PHACTR4: variants seen among roughly 807,000 people sequenced by gnomAD.
PHACTR4 encodes phosphatase and actin regulator 4.
PHACTR4 carries 51 observed loss-of-function variants against 72.7 expected under a neutral mutation model. The observed-to-expected ratio is 0.70, with a 90% confidence interval of 0.56 to 0.89. PHACTR4 has a LOEUF of 0.89. Ranked by LOEUF, PHACTR4 falls within the 40% of genes least tolerant of loss-of-function variation. The pLI, the probability that PHACTR4 is intolerant of heterozygous loss-of-function variation, is 0.00. For synonymous variants in PHACTR4, 255 were observed against 302.5 expected, an observed-to-expected ratio of 0.84 and a Z score of 1.63; for missense variants, 731 against 861.8, an observed-to-expected ratio of 0.85 and a Z score of 1.90.
intron 2 of PHACTR4, among the ~76,000 whole-genome samples, chr1:28,444,102 T>G (rs1347612107): frequency 6.6e-6 from 1 of 152,132 alleles, no homozygotes; most frequent in Admixed American, 6.6e-5. Context: ...TGGCTACTTT[T>G]TGTCTTTTTG....
chr1:28,427,941 T>G (rs61783834), intron 2 of PHACTR4, among the ~76,000 whole-genome samples: 3 of 152,346 alleles, frequency 2.0e-5, no homozygotes, highest in Admixed American at 2.0e-4. Flanking sequence ...GTTAGATTAG[T>G]TATATAGAGT....
intron 13 of PHACTR4, among the ~76,000 whole-genome samples, chr1:28,496,163 TCTC>T (rs1661343993): frequency 6.6e-6 from 1 of 150,470 alleles, no homozygotes; most frequent in East Asian, 2.0e-4. Context: ...TTCACGCCAT[TCTC>T]CTGCCTCAGC....
intron 2 of PHACTR4, among the ~76,000 whole-genome samples, chr1:28,439,505 TCAG>T (rs1656849927): frequency 6.6e-6 from 1 of 152,186 alleles, no homozygotes; most frequent in African/African-American, 2.4e-5. Context: ...AGTGAGTCAT[TCAG>T]CAACAGATTT....
chr1:28,453,480 G>A, intron 2 of PHACTR4: 1 of 381,516 alleles, frequency 2.6e-6, no homozygotes, highest in Non-Finnish European at 4.8e-6. Context: ...GAGGTCTGTA[G>A]CTGCAGTTGC....
chr1:28,483,629 G>A (rs748605422), intron 9 of PHACTR4, among the ~76,000 whole-genome samples: 6 of 151,004 alleles, frequency 4.0e-5, no homozygotes, highest in African/African-American at 7.3e-5. Flanking sequence ...ATGAAACCCC[G>A]TCTCTACTAA....
At chr1:28,466,274 C>A in intron 5 of PHACTR4, 108 bp from the exon 6 acceptor site, 2 of 1,258,814 alleles carry the variant, frequency 1.6e-6, no homozygotes, top group Non-Finnish European at 1.1e-6. Flanking sequence ...ATAAGCTAAT[C>A]TATAAATTAA....
chr1:28,406,765 G>A (rs183583508), intron 1 of PHACTR4, among the ~76,000 whole-genome samples: 2 of 152,234 alleles, frequency 1.3e-5, no homozygotes, highest in Non-Finnish European at 2.9e-5. Context: ...GCCTTGATTG[G>A]GGGTGCAGGA....
At chr1:28,388,586 T>C (rs759795516) in intron 1 of PHACTR4, among the ~76,000 whole-genome samples, 1 of 152,192 alleles carries the variant, frequency 6.6e-6, no homozygotes, top group Non-Finnish European at 1.5e-5. Context: ...GCACGGTGGC[T>C]CACGCCTGTA....
chr1:28,465,738 A>AC lies in PHACTR4; in HGVS notation c.330dup (p.Ile111HisfsTer8). On this transcript the variant is annotated frameshift_variant, in exon 5 of 14. Transcript: ENST00000373839. LOFTEE classifies it high-confidence loss of function. ...TGCCATGTTAAAGAATGGCCATACC[A>AC]CCCCCATAGGGAATGCCAGATCATC... The AC allele has an allele frequency of 6.2e-7, 1 of 1,613,948 alleles. No individual in the cohort carries two copies. Among genetic ancestry groups the AC allele is most frequent in the South Asian group, 1.1e-5 (1 of 91,060 alleles).
intron 2 of PHACTR4, among the ~76,000 whole-genome samples, chr1:28,435,741 A>T (rs562751224): frequency 3.3e-5 from 5 of 152,340 alleles, no homozygotes; most frequent in East Asian, 1.9e-4. Flanking sequence ...GATGATGATG[A>T]TGGTGATAAC....
At chr1:28,479,865 C>A (rs908270135) in intron 8 of PHACTR4, among the ~76,000 whole-genome samples, 5 of 152,170 alleles carry the variant, frequency 3.3e-5, no homozygotes, top group African/African-American at 1.2e-4. Context: ...TGCACTCCAG[C>A]CTGGGCAACA....
chr1:28,430,179 C>T (rs1168793759), intron 2 of PHACTR4, among the ~76,000 whole-genome samples: 3 of 152,102 alleles, frequency 2.0e-5, no homozygotes, highest in Non-Finnish European at 4.4e-5. Flanking sequence ...CCCGCCACCA[C>T]ACCAGGCTAA....
rs920050747 is a variant in PHACTR4, at chr1:28,418,157, A to G, written c.16+10694A>G. On this transcript the variant is annotated intron_variant, in intron 2 of 13. Transcript: ENST00000373839. The stretch of plus-strand genomic sequence containing the variant: ...TATCTCTAAATAAATAAATGCTGAC[A>G]AAGATAGTAGAAAAATACATTTGTC... Among the ~76,000 whole-genome samples, 5 of 152,138 alleles carry G rather than the reference A, an allele frequency of 3.3e-5. No homozygotes were observed. In the South Asian group the frequency reaches 1.0e-3, roughly 32 times the overall value.
intron 1 of PHACTR4, among the ~76,000 whole-genome samples, chr1:28,400,433 G>A (rs61783810): frequency 0.29 from 43,924 of 150,890 alleles, 6,663 homozygotes; most frequent in Middle Eastern, 0.34. Context: ...TAATGTAGCC[G>A]GCTTAAGTCT....
chr1:28,427,278 C>T lies in PHACTR4; in HGVS notation c.16+19815C>T, dbSNP rs538063623. On this transcript the variant is annotated intron_variant, in intron 2 of 13. Coordinates refer to ENST00000373839, the MANE Select transcript of PHACTR4 (RefSeq NM_001048183.3). The stretch of plus-strand genomic sequence containing the variant: ...CAGTGGCTCACACCTGTAATCCCAG[C>T]ACTTCGGGAGGCAGCGGGATGTGGA... Among the ~76,000 whole-genome samples, 36 of 152,262 alleles carry T rather than the reference C, an allele frequency of 2.4e-4. 1 individual carries two copies. The South Asian group carries it at 7.5e-3, about 32-fold the overall frequency.
intron 2 of PHACTR4, among the ~76,000 whole-genome samples, chr1:28,429,847 T>C (rs1159248507): frequency 6.6e-6 from 1 of 152,144 alleles, no homozygotes; most frequent in Admixed American, 6.5e-5. Context: ...TGTGCCAACA[T>C]ATATTGGTAG....
At chr1:28,409,196 A>T (rs10902704) in intron 2 of PHACTR4, among the ~76,000 whole-genome samples, 2 of 150,724 alleles carry the variant, frequency 1.3e-5, no homozygotes, top group African/African-American at 4.9e-5. Context: ...TATTCACAGA[A>T]GCAATCATAG....
intron 2 of PHACTR4, among the ~76,000 whole-genome samples, chr1:28,428,385 C>A (rs74064742): frequency 0.091 from 13,902 of 152,172 alleles, 1,392 homozygotes; most frequent in African/African-American, 0.25. Context: ...TCTTATAACT[C>A]CTTCCTCAGT....
chr1:28,483,008 C>T (rs1660376306), intron 9 of PHACTR4, among the ~76,000 whole-genome samples: 1 of 151,300 alleles, frequency 6.6e-6, no homozygotes, highest in African/African-American at 2.4e-5. Flanking sequence ...TTCCCTTTGT[C>T]TTCTAATAGA....
Sources: gnomAD v4.1 joint callset for allele counts (sites outside exome capture counted in the v4.1 genomes callset) on GRCh38, gnomAD v4.1.1 for gene constraint, MANE v1.5 for transcripts, NCBI Gene and HGNC (gene_info 2026-07-23, HGNC 2026-07-21) for gene names.